Variants in MYO7A observed in about 807,000 individuals in gnomAD.
MYO7A encodes unconventional myosin-VIIa.
MYO7A carries 210 observed loss-of-function variants against 263.8 expected under a neutral mutation model. That is an observed-to-expected ratio of 0.80 (90% CI 0.71 to 0.89). MYO7A has a LOEUF of 0.89. Among genes scored for constraint, MYO7A ranks in the 40% least tolerant of loss-of-function variants. The probability of loss-of-function intolerance (pLI) is 0.00; values close to 1 mark genes in which losing one functional copy is unlikely to be tolerated. For synonymous variants in MYO7A, 1,239 were observed against 1,197.3 expected, an observed-to-expected ratio of 1.03 and a Z score of -0.72; for missense variants, 2,820 against 2,968.3, an observed-to-expected ratio of 0.95 and a Z score of 1.16.
chr11:77,160,704 A>T (rs1591289027), intron 11 of MYO7A, among the ~76,000 whole-genome samples: 1 of 152,306 alleles, frequency 6.6e-6, no homozygotes, highest in South Asian at 2.1e-4. Context: ...GAGAGCCCCA[A>T]GGAGGGCTCC....
At chr11:77,197,179 C>G (rs1190070173) in intron 32 of MYO7A, among the ~76,000 whole-genome samples, 1 of 152,226 alleles carries the variant, frequency 6.6e-6, no homozygotes, top group Non-Finnish European at 1.5e-5. Flanking sequence ...CATGCTCTGC[C>G]TGGAATCCTT....
At chr11:77,192,345 T>A in intron 31 of MYO7A, 67 bp downstream of exon 31, 1 of 1,494,406 alleles carries the variant, frequency 6.7e-7, no homozygotes, top group Non-Finnish European at 9.3e-7. Flanking sequence ...ACGTTTGGGC[T>A]GAGTGCTCCT....
intron 28 of MYO7A, 143 bp from the exon 29 acceptor site, chr11:77,189,877 G>T (rs1591411854): frequency 7.5e-7 from 1 of 1,335,158 alleles, no homozygotes; most frequent in East Asian, 2.6e-5. Context: ...GGAAATAGAT[G>T]GTGGAGCTGA....
At chr11:77,203,722 G>A (rs1422730519) in intron 38 of MYO7A, among the ~76,000 whole-genome samples, 6 of 152,176 alleles carry the variant, frequency 3.9e-5, no homozygotes, top group Non-Finnish European at 7.3e-5. Context: ...CCAGGGCTCC[G>A]GGGCTTCAGC....
intron 4 of MYO7A, among the ~76,000 whole-genome samples, chr11:77,148,761 AT>A (rs1186886381): frequency 6.6e-6 from 1 of 152,218 alleles, no homozygotes; most frequent in African/African-American, 2.4e-5. Context: ...TAATAAATCT[AT>A]TATAAGATAA....
intron 35 of MYO7A, among the ~76,000 whole-genome samples, chr11:77,201,109 G>A (rs572459293): frequency 6.6e-6 from 1 of 152,350 alleles, no homozygotes; most frequent in Non-Finnish European, 1.5e-5. Flanking sequence ...ACAGAGGCGG[G>A]AGAAAGCTGG....
chr11:77,208,754 C>T lies in MYO7A; in HGVS notation c.6002C>T (p.Thr2001Met), dbSNP rs532542968. 26 of 1,583,654 alleles carry T rather than the reference C, an allele frequency of 1.6e-5. No individual in the cohort carries two copies. Among genetic ancestry groups the T allele is most frequent in the Admixed American group, 1.6e-4 (9 of 55,878 alleles). Residue 2001 changes from threonine to methionine, a missense_variant, in exon 44 of 49, where the codon ACG (threonine) becomes ATG (methionine). Physicochemically the swap from Thr to Met is moderately conservative, Grantham distance 81. Coordinates refer to ENST00000409709, the MANE Select transcript of MYO7A (RefSeq NM_000260.4). The stretch of plus-strand genomic sequence containing the variant: ...TTCATGAAGAAGCTGTGGACCACCA[C>T]GGTGCCAGGGAAGGATCCCATGGCC... ...VFFMKKLWTT[T>M]VPGKDPMADS... is the part of the protein sequence containing the mutation.
chr11:77,131,275 G>A (rs376139103), intron 2 of MYO7A, among the ~76,000 whole-genome samples: 7 of 152,350 alleles, frequency 4.6e-5, no homozygotes, highest in East Asian at 1.9e-4. Flanking sequence ...GCAGCAGGCC[G>A]TAGGGCTTGT....
intron 26 of MYO7A, 51 bp from the exon 27 acceptor site, chr11:77,184,537 G>T (rs1555087048): frequency 6.7e-6 from 10 of 1,495,148 alleles, no homozygotes; most frequent in Non-Finnish European, 9.1e-6. Context: ...GCCCTGGCTG[G>T]CAGGGGAACA....
At chr11:77,187,570 G>A (rs1955737138) in intron 27 of MYO7A, among the ~76,000 whole-genome samples, 1 of 152,158 alleles carries the variant, frequency 6.6e-6, no homozygotes, top group Admixed American at 6.5e-5. Flanking sequence ...TACTGTGCCT[G>A]GGAATCCTGC....
intron 35 of MYO7A, among the ~76,000 whole-genome samples, chr11:77,200,284 A>G (rs1222386420): frequency 6.6e-6 from 1 of 151,774 alleles, no homozygotes; most frequent in Non-Finnish European, 1.5e-5. Context: ...AAAAAAAAAG[A>G]AAAGAAACAA....
At chr11:77,158,140 G>T in intron 8 of MYO7A, 137 bp from the exon 9 acceptor site, 1 of 812,342 alleles carries the variant, frequency 1.2e-6, no homozygotes, top group Non-Finnish European at 1.8e-6. Flanking sequence ...TGCTCACCGG[G>T]TGAGGTCAGC....
At chr11:77,203,777 C>T (rs1174462651) in intron 38 of MYO7A, among the ~76,000 whole-genome samples, 1 of 152,124 alleles carries the variant, frequency 6.6e-6, no homozygotes, top group Non-Finnish European at 1.5e-5. Flanking sequence ...TTCCCAAGCC[C>T]TGTGAGGAAG....
At position 77,158,408 on chromosome 11, in the gene MYO7A, C is replaced by T. The variant is rs201822036; in HGVS notation, c.981C>T (p.His327=). ...EISKLLAAIL[H]LGNLQYEART... The stretch of plus-strand genomic sequence containing the variant: ...CGAAGCTCCTGGCTGCCATCCTGCA[C>T]CTGGGCAACCTGCAGTATGAGGGTG... Residue 327 remains histidine (H), a synonymous_variant, in exon 9 of 49, where the codon CAC becomes CAT. Coordinates refer to ENST00000409709, the MANE Select transcript of MYO7A (RefSeq NM_000260.4). The T allele has an allele frequency of 5.6e-5, 91 of 1,612,330 alleles. No homozygotes were observed. The highest frequency in any genetic ancestry group is 7.6e-5 in the Non-Finnish European group (90 of 1,179,754).
chr11:77,184,909 A>G (rs1052968668), intron 27 of MYO7A, 194 bp downstream of exon 27: 20 of 949,266 alleles, frequency 2.1e-5, no homozygotes, highest in Non-Finnish European at 3.2e-5. Flanking sequence ...TAAAGGGGGA[A>G]TCCTAAAACA....
chr11:77,130,701 C>T (rs782194763), intron 2 of MYO7A, 49 bp downstream of exon 2: 1 of 1,602,794 alleles, frequency 6.2e-7, no homozygotes, highest in African/African-American at 1.3e-5. Flanking sequence ...AGGCCATATC[C>T]CCTCATCCAT....
chr11:77,165,905 G>T, intron 14 of MYO7A, 151 bp from the exon 15 acceptor site: 1 of 593,360 alleles, frequency 1.7e-6, no homozygotes. Context: ...TCTTGGGCAA[G>T]TCTCTGTCCC....
chr11:77,134,052 C>T (rs964342811), intron 2 of MYO7A, among the ~76,000 whole-genome samples: 1 of 152,210 alleles, frequency 6.6e-6, no homozygotes, highest in African/African-American at 2.4e-5. Context: ...GCCTCAGCCT[C>T]CCAAGTAGCT....
chr11:77,194,099 C>G (rs910145198), intron 31 of MYO7A: 1 of 669,468 alleles, frequency 1.5e-6, no homozygotes, highest in South Asian at 1.5e-5. Flanking sequence ...TGCCCCTGGG[C>G]AGAGTCCAGC....
Sources: allele counts gnomAD v4.1 joint callset (sites outside exome capture counted in the v4.1 genomes callset), GRCh38; gene constraint gnomAD v4.1.1; transcripts MANE v1.5; gene names NCBI Gene and HGNC (gene_info 2026-07-23, HGNC 2026-07-21).